The following GAB1 variants were observed in gnomAD, a reference collection of about 807,000 sequenced individuals.
The protein encoded by GAB1 is GRB2-associated-binding protein 1.
Under a neutral mutation model 66.5 loss-of-function variants are expected in GAB1, and 19 were observed. The observed-to-expected ratio is 0.29, with a 90% CI of 0.20 to 0.42. The LOEUF is 0.42. GAB1 is among the 10% of genes least tolerant of loss of function. The probability of loss-of-function intolerance (pLI) is 1.00; values close to 1 mark genes in which losing one functional copy is unlikely to be tolerated. For missense variants in GAB1, 732 were observed against 858.5 expected, an observed-to-expected ratio of 0.85 and a Z score of 1.84; for synonymous variants, 294 against 301.4, an observed-to-expected ratio of 0.98 and a Z score of 0.25.
chr4:143,420,264 G>A (rs1394417977), intron 2 of GAB1, among the ~76,000 whole-genome samples: 1 of 152,082 alleles, frequency 6.6e-6, no homozygotes, highest in Non-Finnish European at 1.5e-5. Flanking sequence ...CAGACTAGAT[G>A]TGAGAAGAAA....
intron 1 of GAB1, among the ~76,000 whole-genome samples, chr4:143,342,220 T>C (rs1463119055): frequency 6.6e-6 from 1 of 152,234 alleles, no homozygotes; most frequent in Non-Finnish European, 1.5e-5. Flanking sequence ...ATCTGATTGC[T>C]ACCTTTTGAG....
intron 1 of GAB1, chr4:143,349,253 T>G (rs1271934676): frequency 8.6e-6 from 7 of 809,500 alleles, no homozygotes; most frequent in Non-Finnish European, 1.1e-5. Flanking sequence ...TTAATTCACT[T>G]TATTTTTCTT....
intron 2 of GAB1, among the ~76,000 whole-genome samples, chr4:143,419,179 A>G (rs1307719573): frequency 6.6e-6 from 1 of 152,126 alleles, no homozygotes; most frequent in Non-Finnish European, 1.5e-5. Flanking sequence ...GTGCAAGTTT[A>G]TATATACATA....
chr4:143,444,469 A>G (rs1437658350), intron 6 of GAB1, among the ~76,000 whole-genome samples: 2 of 152,214 alleles, frequency 1.3e-5, no homozygotes, highest in East Asian at 3.8e-4. Context: ...GGGAGCATAC[A>G]GAAGACTAAT....
intron 2 of GAB1, among the ~76,000 whole-genome samples, chr4:143,423,629 T>C (rs944959571): frequency 6.6e-6 from 1 of 150,558 alleles, no homozygotes; most frequent in East Asian, 2.0e-4. Context: ...ACAAAAAAAT[T>C]AGCCAGGCGT....
chr4:143,451,604 A>AGAG (rs1362415218), intron 6 of GAB1, among the ~76,000 whole-genome samples: 3 of 152,198 alleles, frequency 2.0e-5, no homozygotes, highest in Non-Finnish European at 4.4e-5. Flanking sequence ...ATTTAAGAAT[A>AGAG]CAATAGAGAA....
intron 1 of GAB1, among the ~76,000 whole-genome samples, chr4:143,398,611 C>A (rs1173771161): frequency 6.6e-6 from 1 of 151,580 alleles, no homozygotes; most frequent in East Asian, 1.9e-4. Context: ...ATTTGTATAA[C>A]CCTGGCCGGC....
intron 2 of GAB1, among the ~76,000 whole-genome samples, chr4:143,429,052 T>A (rs931767458): frequency 1.3e-5 from 2 of 151,966 alleles, no homozygotes; most frequent in African/African-American, 4.8e-5. Context: ...CAAAATAGAC[T>A]TTAGTCTTAT....
intron 1 of GAB1, among the ~76,000 whole-genome samples, chr4:143,349,014 G>C (rs1275572654): frequency 6.6e-6 from 1 of 152,154 alleles, no homozygotes; most frequent in Non-Finnish European, 1.5e-5. Flanking sequence ...GGGAGCATCT[G>C]TTTTGTCCTC....
At chr4:143,462,295 A>G (rs1189312677) in intron 8 of GAB1, among the ~76,000 whole-genome samples, 1 of 152,084 alleles carries the variant, frequency 6.6e-6, no homozygotes. Flanking sequence ...GTAAAACTCT[A>G]AATCCTAAAT....
chr4:143,440,037 CAA>C (rs1333840500), intron 5 of GAB1, 40 bp from the exon 6 acceptor site: 21 of 1,551,256 alleles, frequency 1.4e-5, no homozygotes, highest in East Asian at 2.3e-5. Context: ...TCATGTGTGA[CAA>C]GAGTTTTTGT....
At chr4:143,379,008 G>A (rs1305916757) in intron 1 of GAB1, among the ~76,000 whole-genome samples, 1 of 152,104 alleles carries the variant, frequency 6.6e-6, no homozygotes, top group Non-Finnish European at 1.5e-5. Flanking sequence ...TGTGATAGGG[G>A]CCAAATCCCC....
chr4:143,467,571 G>T (rs945869263), intron 9 of GAB1, among the ~76,000 whole-genome samples: 1 of 152,088 alleles, frequency 6.6e-6, no homozygotes, highest in African/African-American at 2.4e-5. Flanking sequence ...TGTGTATATT[G>T]TTTCTCCTAT....
rs771186458 is a variant in GAB1, at chr4:143,433,531, T to C, written c.408T>C (p.Ala136=). The C allele has an allele frequency of 1.2e-6, 2 of 1,613,896 alleles. No homozygotes were observed. Among genetic ancestry groups the C allele is most frequent in the East Asian group, 4.5e-5 (2 of 44,894 alleles). The change falls in exon 3 of 10, where the codon GCT becomes GCC. Residue 136 remains alanine (A), a synonymous_variant. Transcript: ENST00000262994. The part of the protein sequence containing the change: ...KPPGSSLQAP[A]DLPLAINTAP... Reference sequence around the variant, plus strand: ...CTGGCAGCTCTTTACAAGCACCAGCTGATTTACCTTTAGCTATAAATACAG... The same window carrying C: ...CTGGCAGCTCTTTACAAGCACCAGCCGATTTACCTTTAGCTATAAATACAG...
intron 1 of GAB1, among the ~76,000 whole-genome samples, chr4:143,345,550 A>T (rs1229996720): frequency 6.6e-6 from 1 of 151,832 alleles, no homozygotes. Context: ...TTTTGGTTTG[A>T]CTCATGTAGT....
intron 3 of GAB1, among the ~76,000 whole-genome samples, chr4:143,436,174 A>G (rs1733931406): frequency 6.6e-6 from 1 of 152,212 alleles, no homozygotes; most frequent in South Asian, 2.1e-4. Context: ...TGGAATGTGA[A>G]CTACACCTAG....
At chr4:143,443,857 T>C (rs886989645) in intron 6 of GAB1, among the ~76,000 whole-genome samples, 1 of 152,220 alleles carries the variant, frequency 6.6e-6, no homozygotes, top group Non-Finnish European at 1.5e-5. Context: ...CAAATACTTA[T>C]GAGTAATTGA....
intron 1 of GAB1, among the ~76,000 whole-genome samples, chr4:143,358,268 A>C (rs1257298697): frequency 3.3e-5 from 5 of 152,342 alleles, no homozygotes; most frequent in Non-Finnish European, 5.9e-5. Flanking sequence ...TTGTATAGAC[A>C]CAATTTTAAG....
intron 1 of GAB1, among the ~76,000 whole-genome samples, chr4:143,398,574 T>C (rs776613977): frequency 6.6e-5 from 10 of 152,134 alleles, no homozygotes; most frequent in Admixed American, 1.3e-4. Context: ...TTGGGATGGT[T>C]TTCTGATGTT....
Sources: allele counts gnomAD v4.1 joint callset (sites outside exome capture counted in the v4.1 genomes callset), GRCh38; gene constraint gnomAD v4.1.1; transcripts MANE v1.5; gene names NCBI Gene and HGNC (gene_info 2026-07-23, HGNC 2026-07-21).